ZNF343: variants seen among roughly 807,000 people sequenced by gnomAD.
ZNF343 encodes zinc finger protein 343.
A neutral mutation model predicts 13.8 loss-of-function variants in ZNF343; 11 were observed. The observed-to-expected ratio is 0.80, with a 90% CI of 0.50 to 1.32. The LOEUF is 1.32. Among genes scored for constraint, ZNF343 ranks in the 40% most tolerant of loss-of-function variants. The pLI, the probability that ZNF343 is intolerant of heterozygous loss-of-function variation, is 0.00. For synonymous variants in ZNF343, 248 were observed against 260.0 expected, an observed-to-expected ratio of 0.95 and a Z score of 0.44; for missense variants, 658 against 714.2, an observed-to-expected ratio of 0.92 and a Z score of 0.90.
chr20:2,490,838 C>T (rs2085356024), intron 5 of ZNF343, among the ~76,000 whole-genome samples: 1 of 152,106 alleles, frequency 6.6e-6, no homozygotes, highest in South Asian at 2.1e-4. Flanking sequence ...TCAAAACACA[C>T]AAAACCATTT....
chr20:2,511,966 G>C (rs2085740995), upstream of ZNF343, among the ~76,000 whole-genome samples: 1 of 152,208 alleles, frequency 6.6e-6, no homozygotes, highest in South Asian at 2.1e-4. Context: ...AAAGGAAGAA[G>C]TAAAACTATC....
upstream of ZNF343, among the ~76,000 whole-genome samples, chr20:2,511,237 T>C (rs2085737993): frequency 6.6e-6 from 1 of 151,654 alleles, no homozygotes; most frequent in Non-Finnish European, 1.5e-5. Context: ...CAGCCCCGAG[T>C]AGTTGGGACT....
Position 2,484,538 on chromosome 20 carries a change from G to T in ZNF343, c.423C>A (p.Phe141Leu). The change falls in exon 6 of 6, where the codon TTC becomes TTA. Residue 141 changes from phenylalanine (F) to leucine (L), a missense_variant. Phe to Leu is a conservative substitution (Grantham distance 22). Transcript: ENST00000278772. Reference protein sequence around the residue: ...IFLGLCAENHFHPGNSSPGHW... With the variant: ...IFLGLCAENHLHPGNSSPGHW... ...GCCCTGGGCTAGAATTCCCTGGATGGAAGTGATTTTCTGCACATAAGCCCA... is the reference window on the plus strand; with the variant it reads ...GCCCTGGGCTAGAATTCCCTGGATGTAAGTGATTTTCTGCACATAAGCCCA... 2 of 1,614,232 alleles carry T rather than the reference G, an allele frequency of 1.2e-6. No individual in the cohort carries two copies. The highest frequency in any genetic ancestry group is 1.7e-6 in the Non-Finnish European group (2 of 1,180,048).
intron 1 of ZNF343, among the ~76,000 whole-genome samples, chr20:2,517,507 T>C (rs1280695268): frequency 6.6e-6 from 1 of 151,658 alleles, no homozygotes; most frequent in Non-Finnish European, 1.5e-5. Flanking sequence ...TTTTTTTTTC[T>C]TTTTTGAGAT....
chr20:2,518,927 A>G lies in ZNF343; in HGVS notation c.-347+5528T>C, dbSNP rs1190657738. Reference sequence around the variant, plus strand: ...TGATAGTGAGTTCTCACAAGATCTGATGGTTTAAAAGTGTTTGGCAGTTCC... The same window carrying G: ...TGATAGTGAGTTCTCACAAGATCTGGTGGTTTAAAAGTGTTTGGCAGTTCC... On this transcript the variant is annotated intron_variant, in intron 1 of 6. Coordinates refer to the ZNF343 transcript ENST00000358413. This position sits in a 1 kb window ranked among gnomAD's most constrained non-coding sequence, Gnocchi z 4.6. Among the ~76,000 whole-genome samples the G allele has an allele frequency of 6.6e-6, 1 of 152,154 alleles. No individual in the cohort carries two copies. Among genetic ancestry groups the G allele is most frequent in the Non-Finnish European group, 1.5e-5 (1 of 68,030 alleles).
chr20:2,486,457 T>G lies in ZNF343; in HGVS notation c.305-1801A>C, dbSNP rs578125135. ...AGATCTGTCTTGCATCATCAATATA[T>G]TTACTCATTTGCTTAATCTTAAAAT... On this transcript the variant is annotated intron_variant, in intron 5 of 5. Coordinates refer to ENST00000278772, the MANE Select transcript of ZNF343 (RefSeq NM_024325.6). Among the ~76,000 whole-genome samples the G allele has an allele frequency of 2.0e-5, 3 of 152,320 alleles. No individual in the cohort carries two copies. In the South Asian group the frequency reaches 6.2e-4, roughly 32 times the overall value.
rs145959248 is a variant in ZNF343 at position 2,521,367 on chromosome 20, C to T, written c.-347+3088G>A. Among the ~76,000 whole-genome samples, 59 of 152,274 alleles carry T rather than the reference C, an allele frequency of 3.9e-4. No homozygotes were observed. The Middle Eastern group carries it at 0.031, about 79-fold the overall frequency. On this transcript the variant is annotated intron_variant, in intron 1 of 6. Coordinates refer to the ZNF343 transcript ENST00000358413. The stretch of plus-strand genomic sequence containing the variant: ...ACAGTGGGGGCTTCTTCTCTGGAGT[C>T]AGATGGGGACTCAGCATTGGGAAGA...
chr20:2,494,108 T>C, intron 2 of ZNF343, 64 bp from the exon 3 acceptor site: 1 of 526,208 alleles, frequency 1.9e-6, no homozygotes, highest in Non-Finnish European at 3.4e-6. Context: ...GGCCTATGCC[T>C]CTTCAACAGG....
At position 2,490,537 on chromosome 20, in the gene ZNF343, G is replaced by T. The variant is rs11087454; in HGVS notation, c.304+2162C>A. On this transcript the variant is annotated intron_variant, in intron 5 of 5. Coordinates refer to ENST00000278772, the MANE Select transcript of ZNF343 (RefSeq NM_024325.6). ...TGCTGTTTTATGGGTCTTTTTTTTG[G>T]TTTTTGTTTTTTTTTTTGAGATGGA... Among the ~76,000 whole-genome samples, 95 of 124,706 alleles carry T rather than the reference G, an allele frequency of 7.6e-4. 1 individual carries two copies. The highest frequency in any genetic ancestry group is 5.4e-3 in the East Asian group (23 of 4,282). The allele number at this position is 124,706 out of a possible 152,430, so 81.8% of individuals were successfully genotyped here. A position where few individuals can be genotyped will look rare whatever the true frequency, so the allele number is the denominator to read the frequency against.
At chr20:2,499,261 C>T (rs895285626) in intron 2 of ZNF343, among the ~76,000 whole-genome samples, 21 of 142,914 alleles carry the variant, frequency 1.5e-4, no homozygotes, top group South Asian at 6.4e-4. Context: ...GTCAGGAGAT[C>T]GAGACCATCC....
At position 2,481,834 on chromosome 20, in the gene ZNF343, T is replaced by A. The variant is rs1469108493; in HGVS notation, c.*1327A>T. 3 of 152,240 alleles carry A rather than the reference T, an allele frequency of 2.0e-5. No individual in the cohort carries two copies. Among genetic ancestry groups the A allele is most frequent in the African/African-American group, 7.2e-5 (3 of 41,474 alleles). 9.4% of individuals were successfully genotyped at this position (152,240 alleles called of 1,614,324 possible). On this transcript the variant is annotated 3_prime_UTR_variant, in exon 6 of 6. Coordinates refer to ENST00000278772, the MANE Select transcript of ZNF343 (RefSeq NM_024325.6). ...GTTGATCATTTTTTGATTACTTAAA[T>A]AAAGCCTGCTTTTTTATTTCATCTG...
chr20:2,486,708 G>A (rs2085286640), intron 5 of ZNF343: 1 of 151,990 alleles, frequency 6.6e-6, no homozygotes, highest in African/African-American at 2.4e-5. Flanking sequence ...AAAGGTTGTG[G>A]TGAGCCGAGA....
chr20:2,484,318 GC>G lies in ZNF343; in HGVS notation c.642del (p.Glu214AspfsTer13). On this transcript the variant is annotated frameshift_variant, in exon 6 of 6. Coordinates refer to ENST00000278772, the MANE Select transcript of ZNF343 (RefSeq NM_024325.6). LOFTEE classifies it low-confidence loss of function (END_TRUNC). ...GGGTTTGGTCTTTGGGCTGAGCTGG[GC>G]TCTGTTTCTACCACCATGTTGCCTT... The part of the protein sequence containing the change: ...PRKGNMVVET[E>X]PSSAQRPNPV... 6.2e-7 allele frequency: 1 copy of G among 1,614,216 alleles called. No homozygotes were observed. Among genetic ancestry groups the G allele is most frequent in the Non-Finnish European group, 8.5e-7 (1 of 1,180,030 alleles).
chr20:2,520,277 G>A (rs2085776846), intron 1 of ZNF343, among the ~76,000 whole-genome samples: 1 of 152,094 alleles, frequency 6.6e-6, no homozygotes. Flanking sequence ...TTTATTAAAT[G>A]TATAAATTTC....
rs778910180 is a variant in ZNF343, at chr20:2,483,393, C to A, written c.1568G>T (p.Cys523Phe). The change falls in exon 6 of 6, where the codon TGC (cysteine) becomes TTC (phenylalanine). Residue 523 changes from cysteine to phenylalanine, a missense_variant. Coordinates refer to ENST00000278772, the MANE Select transcript of ZNF343 (RefSeq NM_024325.6). ...ACAAAAGCCTCGCCCACATTCCCTG[C>A]AAATATAAGGCTTCTCATTTGAGTG... ...RTHSNEKPYI[C>F]RECGRGFCDK... 2 of 1,611,894 alleles carry A rather than the reference C, an allele frequency of 1.2e-6. No homozygotes were observed. The highest frequency in any genetic ancestry group is 2.2e-5 in the East Asian group (1 of 44,722).
intron 5 of ZNF343, among the ~76,000 whole-genome samples, chr20:2,489,935 T>C (rs6114528): frequency 6.6e-6 from 1 of 150,916 alleles, no homozygotes; most frequent in Non-Finnish European, 1.5e-5. Context: ...GTGGATTGCT[T>C]AAGCCCAAGA....
chr20:2,505,234 T>A (rs1171626502), intron 1 of ZNF343, among the ~76,000 whole-genome samples: 1 of 152,084 alleles, frequency 6.6e-6, no homozygotes, highest in African/African-American at 2.4e-5. Context: ...TACCTAGGAA[T>A]CCAACTTACA....
chr20:2,489,379 T>C (rs753204577), intron 5 of ZNF343, among the ~76,000 whole-genome samples: 3 of 152,218 alleles, frequency 2.0e-5, no homozygotes, highest in Non-Finnish European at 4.4e-5. Flanking sequence ...GCAAACTGTA[T>C]TTTGCTCATA....
intron 1 of ZNF343, among the ~76,000 whole-genome samples, chr20:2,517,942 A>G (rs948202393): frequency 2.0e-5 from 3 of 152,168 alleles, no homozygotes; most frequent in Non-Finnish European, 4.4e-5. Flanking sequence ...TATGTGAAAG[A>G]CATCTCAAAA....
Sources: gnomAD v4.1 joint callset for allele counts (sites outside exome capture counted in the v4.1 genomes callset) on GRCh38, gnomAD v4.1.1 for gene constraint, Gnocchi (gnomAD v3.1) non-coding constraint, MANE v1.5 for transcripts, NCBI Gene and HGNC (gene_info 2026-07-23, HGNC 2026-07-21) for gene names.